TAF1: variants seen among roughly 807,000 people sequenced by gnomAD.
TAF1 encodes transcription initiation factor TFIID subunit 1.
TAF1 carries 2 observed loss-of-function variants against 138.5 expected under a neutral mutation model. The observed-to-expected ratio is 0.01, with a 90% CI of 0.01 to 0.05. The LOEUF is 0.05. TAF1 is among the 10% of genes least tolerant of loss of function. The pLI is 1.00. For missense variants in TAF1, 709 were observed against 1,478.0 expected (o/e 0.48, Z 8.53); for synonymous variants, 437 against 503.2 (o/e 0.87, Z 1.76).
At chrX:71,411,396 T>C (rs1486512864) in intron 28 of TAF1, among the ~76,000 whole-genome samples, 1 of 111,759 alleles carries the variant, frequency 8.9e-6, no homozygotes, top group Non-Finnish European at 1.9e-5. Context: ...TGAGAATCAC[T>C]TGAATCTGGG....
chrX:71,376,854 A>G (rs2033513090), intron 4 of TAF1, 96 bp from the exon 5 acceptor site: 9 of 1,119,508 alleles, frequency 8.0e-6, no homozygotes, highest in Non-Finnish European at 1.1e-5. Context: ...ATCTCCTGGC[A>G]TTGAGCCATG....
intron 17 of TAF1, 64 bp from the exon 18 acceptor site, chrX:71,389,521 A>G (rs1196580657): frequency 2.5e-5 from 25 of 1,013,962 alleles, no homozygotes; most frequent in Middle Eastern, 5.1e-4. Context: ...TATTCAGTAA[A>G]AAAAAAACTT....
intron 28 of TAF1, among the ~76,000 whole-genome samples, chrX:71,417,813 C>T (rs947766840): frequency 5.4e-5 from 6 of 111,530 alleles, no homozygotes; most frequent in South Asian, 7.4e-4. Context: ...ATCTCATATG[C>T]AGCTCCTCCA....
At chrX:71,409,028 AAGAG>A (rs1215014263) in intron 28 of TAF1, among the ~76,000 whole-genome samples, 105 of 110,036 alleles carry the variant, frequency 9.5e-4, no homozygotes, top group African/African-American at 1.3e-3. Context: ...AAAAAAAAAA[AAGAG>A]AGAGAGACGT....
intron 28 of TAF1, 67 bp from the exon 29 acceptor site, chrX:71,421,242 A>G: frequency 2.0e-6 from 2 of 998,019 alleles, no homozygotes; most frequent in Non-Finnish European, 2.8e-6. Context: ...CATTAAAAGG[A>G]TAAAGAAGTG....
intron 13 of TAF1, among the ~76,000 whole-genome samples, chrX:71,515,700 A>C (rs2039811570): frequency 9.0e-6 from 1 of 111,223 alleles, no homozygotes; most frequent in African/African-American, 3.3e-5. Context: ...TTTCAGGGTT[A>C]CTCATTGCTG....
chrX:71,461,338 T>C (rs757282712), intron 37 of TAF1, among the ~76,000 whole-genome samples: 1 of 111,425 alleles, frequency 9.0e-6, no homozygotes, highest in Non-Finnish European at 1.9e-5. Context: ...TGAAGGACTT[T>C]AAAAGGCATG....
chrX:71,419,082 A>G (rs982403950), intron 28 of TAF1, among the ~76,000 whole-genome samples: 1 of 111,697 alleles, frequency 9.0e-6, no homozygotes, highest in Non-Finnish European at 1.9e-5. Flanking sequence ...ATTCTTTTTT[A>G]ACATAGGCTT....
At position 71,454,154 on chromosome X, in the gene TAF1, C is replaced by G. The variant is rs1403657140; in HGVS notation, c.4754-16C>G. On this transcript the variant is annotated splice_polypyrimidine_tract_variant and intron_variant, in intron 32 of 37. Coordinates refer to ENST00000423759, the MANE Select transcript of TAF1 (RefSeq NM_004606.5). The stretch of plus-strand genomic sequence containing the variant: ...AAGTCTGCAAAGATAATGGCACTTT[C>G]TTATTTTATTTATAGGACCTGAGAG... 8.3e-7 allele frequency: 1 copy of G among 1,198,736 alleles called. No individual in the cohort carries two copies. Among genetic ancestry groups the G allele is most frequent in the Non-Finnish European group, 1.1e-6 (1 of 885,319 alleles).
intron 32 of TAF1, among the ~76,000 whole-genome samples, chrX:71,439,358 A>G (rs1207275962): frequency 1.8e-5 from 2 of 111,467 alleles, no homozygotes; most frequent in Non-Finnish European, 3.8e-5. Flanking sequence ...TAAAGTTCAC[A>G]TTACATTTTG....
intron 13 of TAF1, 98 bp downstream of exon 13, chrX:71,384,233 G>C: frequency 1.0e-6 from 1 of 986,658 alleles, no homozygotes; most frequent in South Asian, 2.4e-5. Flanking sequence ...CATAGCTGTA[G>C]TGAGACAAAC....
At chrX:71,390,411 C>T (rs1378839599) in intron 18 of TAF1, among the ~76,000 whole-genome samples, 1 of 112,279 alleles carries the variant, frequency 8.9e-6, no homozygotes, top group Admixed American at 9.5e-5. Context: ...ATTTGACTCT[C>T]ATCTACAAGT....
chrX:71,423,499 A>T (rs901814089), intron 30 of TAF1, among the ~76,000 whole-genome samples: 2 of 111,294 alleles, frequency 1.8e-5, no homozygotes, highest in Non-Finnish European at 3.8e-5. Flanking sequence ...GACATTCAGT[A>T]TATGAATGCT....
At chrX:71,390,868 G>A (rs1393438539) in intron 18 of TAF1, among the ~76,000 whole-genome samples, 1 of 110,601 alleles carries the variant, frequency 9.0e-6, no homozygotes, top group Non-Finnish European at 1.9e-5. Flanking sequence ...GGTGGCGTGC[G>A]CCTGTAATCC....
intron 24 of TAF1, among the ~76,000 whole-genome samples, chrX:71,399,245 T>C (rs1365038683): frequency 9.8e-6 from 1 of 102,326 alleles, no homozygotes; most frequent in Non-Finnish European, 2.0e-5. Flanking sequence ...CGGCTTGTCA[T>C]TTATTCTCTT....
In TAF1 at chrX:71,387,478, A is replaced by G; in HGVS notation, c.2427+17A>G. 1.7e-6 allele frequency: 2 copies of G among 1,210,479 alleles called. No homozygotes were observed. The highest frequency in any genetic ancestry group is 5.9e-5 in the East Asian group (2 of 33,816). ...TTTCTACAGGTAAGAATGGGAGGATAGGGAGGGGATTGGGTTGTATACAGA... is the reference window on the plus strand; with the variant it reads ...TTTCTACAGGTAAGAATGGGAGGATGGGGAGGGGATTGGGTTGTATACAGA... On this transcript the variant is annotated intron_variant, in intron 15 of 37. Transcript: ENST00000423759.
chrX:71,406,808 T>C (rs2035495367), intron 26 of TAF1, 62 bp downstream of exon 26: 3 of 954,027 alleles, frequency 3.1e-6, no homozygotes, highest in Admixed American at 2.3e-5. Context: ...CAGCCCTGTA[T>C]GCCACAGCTC....
chrX:71,372,789 T>C (rs2033168552), intron 3 of TAF1, among the ~76,000 whole-genome samples: 1 of 112,056 alleles, frequency 8.9e-6, no homozygotes, highest in Admixed American at 9.5e-5. Context: ...GAAGTGTTAT[T>C]GGGAGGATTA....
At chrX:71,413,659 C>A (rs945132927) in intron 28 of TAF1, among the ~76,000 whole-genome samples, 1 of 111,299 alleles carries the variant, frequency 9.0e-6, no homozygotes, top group African/African-American at 3.3e-5. Flanking sequence ...GGCTCCATAC[C>A]TGTGCTTCTA....
Sources: gnomAD v4.1 joint callset for allele counts (sites outside exome capture counted in the v4.1 genomes callset) on GRCh38, gnomAD v4.1.1 for gene constraint, MANE v1.5 for transcripts, NCBI Gene and HGNC (gene_info 2026-07-23, HGNC 2026-07-21) for gene names.